The following THSD7B variants were observed in gnomAD, a reference collection of about 807,000 sequenced individuals.
THSD7B encodes the protein thrombospondin type 1 domain containing 7B.
A neutral mutation model predicts 213.6 loss-of-function variants in THSD7B; 138 were observed. The observed-to-expected ratio is 0.65, with a 90% CI of 0.56 to 0.74. The LOEUF (loss-of-function observed/expected upper bound fraction) is 0.74. Ranked by LOEUF, THSD7B falls within the 30% of genes least tolerant of loss-of-function variation. THSD7B has a pLI of 0.00. For synonymous variants in THSD7B, 742 were observed against 687.0 expected (o/e 1.08, Z -1.25); for missense variants, 1,931 against 1,991.5 (o/e 0.97, Z 0.58).
At chr2:137,018,575 G>A (rs1218567621) in intron 2 of THSD7B, among the ~76,000 whole-genome samples, 1 of 152,098 alleles carries the variant, frequency 6.6e-6, no homozygotes, top group African/African-American at 2.4e-5. Flanking sequence ...AAATTCCATT[G>A]TATACTTATA....
intron 17 of THSD7B, among the ~76,000 whole-genome samples, chr2:137,587,808 G>T (rs79289025): frequency 0.13 from 20,092 of 152,222 alleles, 1,511 homozygotes; most frequent in South Asian, 0.22. Flanking sequence ...GAGGCAGTCT[G>T]TCCATTCTCC....
rs564733447 is a variant in THSD7B at position 137,072,289 on chromosome 2, G to A, written c.950+15059G>A. 9.9e-5 allele frequency among the ~76,000 whole-genome samples: 15 copies of A among 152,254 alleles called. No individual in the cohort carries two copies. In the South Asian group the frequency reaches 1.2e-3, roughly 13 times the overall value. ...GTATCCTCTTTTATTTCGTTGAGCA[G>A]TGGTTTGTAGTTCTCCTTGAAGAGG... On this transcript the variant is annotated intron_variant, in intron 3 of 27. Transcript: ENST00000409968.
chr2:137,367,760 C>T (rs1457169403), intron 12 of THSD7B, among the ~76,000 whole-genome samples: 1 of 152,064 alleles, frequency 6.6e-6, no homozygotes, highest in East Asian at 1.9e-4. Context: ...CAGATGGACA[C>T]CTTCTTGATA....
intron 12 of THSD7B, among the ~76,000 whole-genome samples, chr2:137,370,540 C>T (rs1191321881): frequency 6.6e-6 from 1 of 152,212 alleles, no homozygotes; most frequent in Non-Finnish European, 1.5e-5. Flanking sequence ...ACAATCTCAG[C>T]TCACTGCAAC....
chr2:136,851,893 G>A (rs1335773789), intron 1 of THSD7B, among the ~76,000 whole-genome samples: 6 of 151,404 alleles, frequency 4.0e-5, no homozygotes, highest in Admixed American at 6.6e-5. Flanking sequence ...TCTAACCACA[G>A]GGAAAGATGA....
intron 3 of THSD7B, among the ~76,000 whole-genome samples, chr2:137,059,566 G>A (rs1687231964): frequency 6.6e-6 from 1 of 151,982 alleles, no homozygotes; most frequent in African/African-American, 2.4e-5. Flanking sequence ...GGCAACTACT[G>A]ACCATTTTAC....
chr2:137,176,829 T>C (rs1680366668), intron 7 of THSD7B, among the ~76,000 whole-genome samples: 1 of 152,228 alleles, frequency 6.6e-6, no homozygotes, highest in Non-Finnish European at 1.5e-5. Flanking sequence ...GTTTCCTTAT[T>C]GATTACCTAC....
chr2:137,124,890 C>A (rs1688605989), intron 5 of THSD7B, among the ~76,000 whole-genome samples: 1 of 152,084 alleles, frequency 6.6e-6, no homozygotes, highest in African/African-American at 2.4e-5. Context: ...ACTCTGTTAG[C>A]AACTTTCAAA....
intron 12 of THSD7B, among the ~76,000 whole-genome samples, chr2:137,330,696 G>A (rs1021274261): frequency 2.0e-5 from 3 of 152,082 alleles, no homozygotes; most frequent in African/African-American, 7.2e-5. Context: ...TGAGGTGAGT[G>A]TTACGGCTCA....
At chr2:136,841,593 C>A (rs370751476) in intron 1 of THSD7B, among the ~76,000 whole-genome samples, 406 of 92,964 alleles carry the variant, frequency 4.4e-3, no homozygotes, top group East Asian at 0.015. Context: ...AAGACTCCAT[C>A]AAAAAAAAAA....
intron 12 of THSD7B, among the ~76,000 whole-genome samples, chr2:137,314,862 G>A (rs572564335): frequency 1.7e-4 from 26 of 152,320 alleles, no homozygotes; most frequent in East Asian, 9.7e-4. Context: ...CAGTCTGCCC[G>A]TTCTCAGATC....
chr2:137,563,456 T>C (rs1681165593), intron 16 of THSD7B, 102 bp downstream of exon 16: 2 of 1,411,310 alleles, frequency 1.4e-6, no homozygotes, highest in South Asian at 2.8e-5. Context: ...CTGATTTTCA[T>C]AACATATACT....
At chr2:137,481,470 A>C (rs1340991930) in intron 15 of THSD7B, among the ~76,000 whole-genome samples, 1 of 152,236 alleles carries the variant, frequency 6.6e-6, no homozygotes, top group Non-Finnish European at 1.5e-5. Flanking sequence ...ACTTTTAGAA[A>C]GTTGTCATCT....
chr2:137,174,794 A>C (rs1342450771), intron 7 of THSD7B, among the ~76,000 whole-genome samples: 1 of 152,212 alleles, frequency 6.6e-6, no homozygotes, highest in Non-Finnish European at 1.5e-5. Context: ...ATATCTTATC[A>C]AATGTCAATA....
At chr2:137,334,690 C>T (rs1411199202) in intron 12 of THSD7B, among the ~76,000 whole-genome samples, 1 of 152,030 alleles carries the variant, frequency 6.6e-6, no homozygotes, top group African/African-American at 2.4e-5. Context: ...ATGCATTTTC[C>T]CCATACAGGA....
chr2:137,242,555 C>G lies in THSD7B; in HGVS notation c.2249C>G (p.Pro750Arg), dbSNP rs753919818. ...GCTTTCAGTGAGTGGACACCCTGCCCAAGGATGTGCCAAGCAGGTAGGTGG... is the reference window on the plus strand; with the variant it reads ...GCTTTCAGTGAGTGGACACCCTGCCGAAGGATGTGCCAAGCAGGTAGGTGG... ...VTAFSEWTPC[P>R]RMCQAGNATV... Residue 750 changes from proline to arginine, a missense_variant, in exon 10 of 28, where the codon CCA becomes CGA. Pro to Arg is a moderately radical substitution (Grantham distance 103). Coordinates refer to ENST00000409968, the MANE Select transcript of THSD7B (RefSeq NM_001316349.2). The G allele has an allele frequency of 2.5e-6, 4 of 1,613,218 alleles. No homozygotes were observed. The highest frequency in any genetic ancestry group is 2.5e-6 in the Non-Finnish European group (3 of 1,179,412).
chr2:137,491,225 G>A (rs1688600427), intron 15 of THSD7B, among the ~76,000 whole-genome samples: 1 of 152,168 alleles, frequency 6.6e-6, no homozygotes, highest in Admixed American at 6.5e-5. Context: ...ACACAGCTGT[G>A]TGTATACAAA....
intron 2 of THSD7B, among the ~76,000 whole-genome samples, chr2:136,904,552 G>A (rs915282032): frequency 2.0e-5 from 3 of 146,508 alleles, no homozygotes; most frequent in African/African-American, 7.3e-5. Context: ...ATGTTCACCA[G>A]GATTGGAAAC....
intron 12 of THSD7B, among the ~76,000 whole-genome samples, chr2:137,337,623 T>A (rs1684667972): frequency 6.6e-6 from 1 of 152,108 alleles, no homozygotes; most frequent in African/African-American, 2.4e-5. Flanking sequence ...ATTCTTTTAC[T>A]CCTTAATTTT....
Sources: gnomAD v4.1 joint callset for allele counts (sites outside exome capture counted in the v4.1 genomes callset) on GRCh38, gnomAD v4.1.1 for gene constraint, MANE v1.5 for transcripts, NCBI Gene and HGNC (gene_info 2026-07-23, HGNC 2026-07-21) for gene names.